Variants in ADGRV1 observed in about 807,000 individuals in gnomAD.
The protein encoded by ADGRV1 is G-protein coupled receptor 98.
Under a neutral mutation model 596.2 loss-of-function variants are expected in ADGRV1, and 359 were observed. That is an observed-to-expected ratio of 0.60 (90% CI 0.55 to 0.66). ADGRV1 has a LOEUF of 0.66. Ranked by LOEUF, ADGRV1 falls within the 30% of genes least tolerant of loss-of-function variation. The pLI is 0.00. For synonymous variants in ADGRV1, 2,681 were observed against 2,679.2 expected (o/e 1.00, Z -0.02); for missense variants, 7,274 against 7,575.6 (o/e 0.96, Z 1.48).
At position 90,693,481 on chromosome 5, in the gene ADGRV1, G is replaced by A. The variant is rs995595067; in HGVS notation, c.7134-409G>A. ...TTTTTTTTCTGAATATTTTTGATCT[G>A]CGGTCTTGAATCCACAGATGTAGAA... On this transcript the variant is annotated intron_variant, in intron 32 of 89. Transcript: ENST00000405460. Among the ~76,000 whole-genome samples the A allele has an allele frequency of 7.3e-5, 11 of 150,874 alleles. No individual in the cohort carries two copies. The East Asian group carries it at 2.1e-3, about 29-fold the overall frequency.
At chr5:90,768,830 G>C (rs572862384) in intron 59 of ADGRV1, among the ~76,000 whole-genome samples, 1 of 152,230 alleles carries the variant, frequency 6.6e-6, no homozygotes, top group South Asian at 2.1e-4. Context: ...GTGGAGATTC[G>C]TGTCCAGAGG....
intron 4 of ADGRV1, 38 bp from the exon 5 acceptor site, chr5:90,622,559 C>A: frequency 3.0e-6 from 3 of 998,470 alleles, no homozygotes; most frequent in East Asian, 3.1e-5. Flanking sequence ...CCTCTGATTG[C>A]TCAGCTCCTG....
intron 43 of ADGRV1, 115 bp from the exon 44 acceptor site, chr5:90,719,933 A>G: frequency 3.9e-6 from 3 of 768,652 alleles, no homozygotes; most frequent in East Asian, 2.5e-5. Context: ...TCAAAGTGAG[A>G]TGATATTTTT....
At position 90,810,263 on chromosome 5, in the gene ADGRV1, A is replaced by G. The variant is rs764728632; in HGVS notation, c.15003A>G (p.Pro5001=). 3 of 1,586,986 alleles carry G rather than the reference A, an allele frequency of 1.9e-6. No homozygotes were observed. The highest frequency in any genetic ancestry group is 2.6e-6 in the Non-Finnish European group (3 of 1,165,636). The change falls in exon 74 of 90, where the codon CCA becomes CCG. Residue 5001 remains proline, a synonymous_variant. Transcript: ENST00000405460. ...GTTTCATTGTTGCTGAAATTGAACCAATGGGCGTCTTCCAATTTTCCACTA... is the reference window on the plus strand; with the variant it reads ...GTTTCATTGTTGCTGAAATTGAACCGATGGGCGTCTTCCAATTTTCCACTA... The part of the protein sequence containing the change: ...RSGFIVAEIE[P]MGVFQFSTSS...
At chr5:90,782,666 G>T (rs1204232609) in intron 65 of ADGRV1, among the ~76,000 whole-genome samples, 3 of 151,944 alleles carry the variant, frequency 2.0e-5, no homozygotes, top group Non-Finnish European at 1.5e-5. Flanking sequence ...CTTGTATCTG[G>T]ACTTTTAAAA....
At chr5:90,722,716 CAAAAAAAAAAAAAAAAAAAAAAAAAAAA>C (rs55761821) in intron 45 of ADGRV1, among the ~76,000 whole-genome samples, 2 of 32,874 alleles carry the variant, frequency 6.1e-5, no homozygotes, top group African/African-American at 1.2e-4. Context: ...AACTCCGTCT[CAAAAAAAAAAAAAAAAAAAAAAAAAAAA>C]AAAAAAAAAA....
intron 39 of ADGRV1, among the ~76,000 whole-genome samples, chr5:90,710,445 A>G (rs1204844277): frequency 1.3e-5 from 2 of 152,134 alleles, no homozygotes; most frequent in African/African-American, 4.8e-5. Context: ...AGATAAGTTT[A>G]CTTTGATATT....
intron 41 of ADGRV1, among the ~76,000 whole-genome samples, chr5:90,711,701 G>A (rs1358702356): frequency 1.3e-5 from 2 of 152,044 alleles, no homozygotes; most frequent in African/African-American, 2.4e-5. Flanking sequence ...ACTGAAACAC[G>A]TTTAGTGTTT....
intron 77 of ADGRV1, among the ~76,000 whole-genome samples, chr5:90,832,157 T>C (rs1443003124): frequency 6.6e-6 from 1 of 152,174 alleles, no homozygotes; most frequent in African/African-American, 2.4e-5. Context: ...AGCTTTATTT[T>C]TAGTTTTCTG....
chr5:90,686,024 A>ATCCCTCTGTATG, intron 29 of ADGRV1, 29 bp downstream of exon 29: 3 of 1,431,108 alleles, frequency 2.1e-6, no homozygotes, highest in Non-Finnish European at 2.8e-6. Context: ...AAAGCAGTAC[A>ATCCCTCTGTATG]TACAGAGGGA....
intron 50 of ADGRV1, among the ~76,000 whole-genome samples, chr5:90,739,896 G>A (rs1292809831): frequency 6.6e-6 from 1 of 152,190 alleles, no homozygotes; most frequent in African/African-American, 2.4e-5. Context: ...TAGCTGTTTA[G>A]CTGCTGTAGT....
At position 90,629,267 on chromosome 5, in the gene ADGRV1, A is replaced by C. The variant is rs190835338; in HGVS notation, c.1567A>C (p.Met523Leu). Residue 523 changes from methionine (M) to leucine (L), a missense_variant, in exon 9 of 90, where the codon ATG becomes CTG. By Grantham distance (15) the Met-to-Leu change is conservative. Coordinates refer to ENST00000405460, the MANE Select transcript of ADGRV1 (RefSeq NM_032119.4). ...DVYGLITFFP[M>L]ENQKIESSPG... ...CTATGGCCTAATAACATTTTTTCCT[A>C]TGGAAAACCAGAAGATTGAAAGCAG... 1.2e-6 allele frequency: 2 copies of C among 1,611,172 alleles called. No homozygotes were observed. Among genetic ancestry groups the C allele is most frequent in the African/African-American group, 2.7e-5 (2 of 74,672 alleles).
intron 83 of ADGRV1, among the ~76,000 whole-genome samples, chr5:90,882,487 C>T (rs1256856850): frequency 6.6e-6 from 1 of 152,148 alleles, no homozygotes; most frequent in East Asian, 1.9e-4. Context: ...CCTATTTTTT[C>T]TCACTACACA....
chr5:90,629,297 G>T lies in ADGRV1; in HGVS notation c.1597G>T (p.Gly533Cys), dbSNP rs760608953. 1.2e-6 allele frequency: 2 copies of T among 1,613,374 alleles called. No individual in the cohort carries two copies. The highest frequency in any genetic ancestry group is 3.3e-5 in the Admixed American group (2 of 59,938). Residue 533 changes from glycine to cysteine, a missense_variant, in exon 9 of 90, where the codon GGT (glycine) becomes TGT (cysteine). Around this residue, in one of 5 missense-constraint regions of ADGRV1, gnomAD observed 1,715 missense variants for 1,708.8 expected, o/e 1.00. Coordinates refer to ENST00000405460, the MANE Select transcript of ADGRV1 (RefSeq NM_032119.4). Reference sequence around the variant, plus strand: ...AAACCAGAAGATTGAAAGCAGCCCAGGTGAACGATACTTATCCTTGAGTTT... The same window carrying T: ...AAACCAGAAGATTGAAAGCAGCCCATGTGAACGATACTTATCCTTGAGTTT... Reference protein sequence around the residue: ...MENQKIESSPGERYLSLSFTR... With the variant: ...MENQKIESSPCERYLSLSFTR...
intron 50 of ADGRV1, among the ~76,000 whole-genome samples, chr5:90,735,970 T>C (rs1753173766): frequency 6.6e-6 from 1 of 152,184 alleles, no homozygotes; most frequent in African/African-American, 2.4e-5. Flanking sequence ...TCTTATTTCT[T>C]TCTCTCGCTT....
intron 2 of ADGRV1, among the ~76,000 whole-genome samples, chr5:90,616,761 A>G (rs1763418737): frequency 1.3e-5 from 2 of 152,132 alleles, no homozygotes; most frequent in African/African-American, 4.8e-5. Flanking sequence ...GAAGCATTAT[A>G]ATTCCTCTCT....
Position 90,653,816 on chromosome 5 carries a change from A to G in ADGRV1, c.4242A>G (p.Thr1414=). ...ATGCTACATACATTGCCAAGACAAC[A>G]GTCATGAAATATTTAGAAGAAAGTG... ...GSNATYIAKT[T]VMKYLEESVW... is the part of the protein sequence containing the mutation. Residue 1414 remains threonine, a synonymous_variant, in exon 20 of 90, where the codon ACA becomes ACG. Coordinates refer to ENST00000405460, the MANE Select transcript of ADGRV1 (RefSeq NM_032119.4). 1 of 1,613,440 alleles carries G rather than the reference A, an allele frequency of 6.2e-7. No individual in the cohort carries two copies. Among genetic ancestry groups the G allele is most frequent in the South Asian group, 1.1e-5 (1 of 90,908 alleles).
intron 86 of ADGRV1, among the ~76,000 whole-genome samples, chr5:91,077,974 A>T (rs1788994997): frequency 6.6e-6 from 1 of 152,184 alleles, no homozygotes; most frequent in African/African-American, 2.4e-5. Flanking sequence ...AAAGTAGATG[A>T]TTACAAATCC....
intron 86 of ADGRV1, among the ~76,000 whole-genome samples, chr5:91,097,687 A>G (rs988907771): frequency 6.6e-6 from 1 of 152,120 alleles, no homozygotes; most frequent in Non-Finnish European, 1.5e-5. Context: ...TTACATCTCT[A>G]TCAGGCATGC....
Sources: allele counts gnomAD v4.1 joint callset (sites outside exome capture counted in the v4.1 genomes callset), GRCh38; gene constraint gnomAD v4.1.1; regional missense constraint gnomAD v4.1.1; transcripts MANE v1.5; gene names NCBI Gene and HGNC (gene_info 2026-07-23, HGNC 2026-07-21).